CNST: variants seen among roughly 807,000 people sequenced by gnomAD.
CNST encodes consortin, connexin sorting protein, also known as consortin.
Under a neutral mutation model 72.4 loss-of-function variants are expected in CNST, and 39 were observed. The observed-to-expected ratio is 0.54, with a 90% confidence interval of 0.42 to 0.70. CNST has a LOEUF of 0.70. Among genes scored for constraint, CNST ranks in the 30% least tolerant of loss-of-function variants. The probability of loss-of-function intolerance (pLI) is 0.00; values close to 1 mark genes in which losing one functional copy is unlikely to be tolerated. For missense variants in CNST, 871 were observed against 868.5 expected, an observed-to-expected ratio of 1.00 and a Z score of -0.04; for synonymous variants, 332 against 320.1, an observed-to-expected ratio of 1.04 and a Z score of -0.40.
chr1:246,600,002 G>A (rs1000417059), intron 2 of CNST, among the ~76,000 whole-genome samples: 7 of 152,208 alleles, frequency 4.6e-5, no homozygotes, highest in South Asian at 2.1e-4. Flanking sequence ...GCACATGGTC[G>A]TGGAGGTAAC....
intron 2 of CNST, among the ~76,000 whole-genome samples, chr1:246,596,485 ATTAC>A (rs1558542105): frequency 6.6e-6 from 1 of 152,178 alleles, no homozygotes; most frequent in East Asian, 1.9e-4. Flanking sequence ...ACTAATGACC[ATTAC>A]TTATTTATTA....
intron 9 of CNST, among the ~76,000 whole-genome samples, chr1:246,654,981 T>G (rs1666693562): frequency 6.6e-6 from 1 of 152,180 alleles, no homozygotes; most frequent in Non-Finnish European, 1.5e-5. Context: ...AAATATAGTT[T>G]TGGATACTGG....
At chr1:246,602,872 A>G (rs1397342674) in intron 2 of CNST, among the ~76,000 whole-genome samples, 2 of 145,392 alleles carry the variant, frequency 1.4e-5, no homozygotes, top group Non-Finnish European at 3.0e-5. Context: ...CAGACAGCCC[A>G]GTTAGATAGT....
intron 10 of CNST, among the ~76,000 whole-genome samples, chr1:246,664,655 TG>T (rs531464609): frequency 0.021 from 3,132 of 152,134 alleles, 51 homozygotes; most frequent in Non-Finnish European, 0.033. Context: ...CTCGATCTCC[TG>T]ACCTCGTGAT....
intron 2 of CNST, among the ~76,000 whole-genome samples, chr1:246,598,609 G>A (rs1348720784): frequency 6.6e-6 from 1 of 151,980 alleles, no homozygotes; most frequent in Non-Finnish European, 1.5e-5. Context: ...TTTATATATT[G>A]ACTTCGGCTA....
At chr1:246,588,709 GAATT>G (rs964807576) in intron 1 of CNST, among the ~76,000 whole-genome samples, 19 of 152,148 alleles carry the variant, frequency 1.2e-4, no homozygotes, top group East Asian at 3.9e-4. Context: ...TCAATGTGTA[GAATT>G]AATAAATTCT....
At chr1:246,595,261 G>T (rs935252403) in intron 2 of CNST, among the ~76,000 whole-genome samples, 1 of 152,128 alleles carries the variant, frequency 6.6e-6, no homozygotes, top group Admixed American at 6.5e-5. Context: ...CTTTAGTATT[G>T]CCTGGAAAGC....
Position 246,637,479 on chromosome 1 carries a change from G to A in CNST, c.818+2892G>A, listed in dbSNP as rs77402780. On this transcript the variant is annotated intron_variant, in intron 6 of 10. Transcript: ENST00000366513. ...GAGTGGCTCAGAGTCTGGTGATGGC[G>A]GAGGCCCTAAGACAAAAGTTCGTCC... 4.2e-3 allele frequency among the ~76,000 whole-genome samples: 646 copies of A among 152,316 alleles called. 10 individuals carry two copies. The highest frequency in any genetic ancestry group is 0.015 in the African/African-American group (606 of 41,556).
At chr1:246,569,885 T>C in intron 1 of CNST, 1 of 960,204 alleles carries the variant, frequency 1.0e-6, no homozygotes, top group Non-Finnish European at 1.2e-6. Flanking sequence ...TGAGTTTCTG[T>C]CGACTAAATT....
In CNST at chr1:246,586,111, A is replaced by ATG. The variant is rs113258007; in HGVS notation, c.-51-5371_-51-5370dup. ...GAGGGGGAGATATATATATATATAT[A>ATG]TGTGTGTGTGTGTGTGTGTGTGTGT... On this transcript the variant is annotated intron_variant, in intron 1 of 10. Transcript: ENST00000366513. 6.9e-3 allele frequency among the ~76,000 whole-genome samples: 706 copies of ATG among 102,670 alleles called. 6 individuals carry two copies. Among genetic ancestry groups the ATG allele is most frequent in the African/African-American group, 0.023 (583 of 25,018 alleles). The allele number at this position is 102,670 out of a possible 152,430, so 67.4% of individuals were successfully genotyped here.
chr1:246,588,819 G>T (rs1661358743), intron 1 of CNST, among the ~76,000 whole-genome samples: 1 of 152,118 alleles, frequency 6.6e-6, no homozygotes, highest in Non-Finnish European at 1.5e-5. Flanking sequence ...CATTGGAAAT[G>T]CTTGAACTAT....
chr1:246,574,457 G>A (rs771075017), intron 1 of CNST, among the ~76,000 whole-genome samples: 4 of 151,994 alleles, frequency 2.6e-5, no homozygotes, highest in South Asian at 4.1e-4. Context: ...ACAGCTTGTC[G>A]CACTATCACC....
chr1:246,593,409 G>A (rs557517946), intron 2 of CNST, among the ~76,000 whole-genome samples: 81 of 150,562 alleles, frequency 5.4e-4, no homozygotes, highest in African/African-American at 1.8e-3. Context: ...TGCAACCTCC[G>A]CCTCCTGGAT....
In CNST at chr1:246,621,566, C is replaced by T. The variant is rs747928236; in HGVS notation, c.517C>T (p.Leu173=). 8 of 1,614,110 alleles carry T rather than the reference C, an allele frequency of 5.0e-6. No homozygotes were observed. In the East Asian group the frequency reaches 1.6e-4, roughly 31 times the overall value. Residue 173 remains leucine, a synonymous_variant, in exon 3 of 11, where the codon CTG becomes TTG. Coordinates refer to ENST00000366513, the MANE Select transcript of CNST (RefSeq NM_152609.3). ...PEAPKLVLQS[L]FSLIRGEVEQ... Reference sequence around the variant, plus strand: ...GGCGCCAAAGCTTGTTCTGCAGTCTCTGTTTTCACTTATACGAGGTGAAGT... The same window carrying T: ...GGCGCCAAAGCTTGTTCTGCAGTCTTTGTTTTCACTTATACGAGGTGAAGT...
intron 1 of CNST, among the ~76,000 whole-genome samples, chr1:246,588,279 T>G (rs1419603446): frequency 1.3e-5 from 2 of 152,060 alleles, no homozygotes; most frequent in African/African-American, 2.4e-5. Flanking sequence ...TTTTATGAAG[T>G]GCCAGGGGTA....
At chr1:246,631,784 T>G in intron 3 of CNST, 110 bp from the exon 4 acceptor site, 1 of 774,998 alleles carries the variant, frequency 1.3e-6, no homozygotes. Flanking sequence ...AGAGTTTTCT[T>G]AATTTGATAT....
intron 1 of CNST, among the ~76,000 whole-genome samples, chr1:246,576,096 A>G (rs367666455): frequency 6.7e-6 from 1 of 148,948 alleles, no homozygotes; most frequent in Non-Finnish European, 1.5e-5. Context: ...TTAGCCAGGC[A>G]TGGTGGCGGG....
At position 246,616,324 on chromosome 1, in the gene CNST, G is replaced by A. The variant is rs991887991; in HGVS notation, c.380-5105G>A. Among the ~76,000 whole-genome samples the A allele has an allele frequency of 4.6e-5, 7 of 152,232 alleles. No individual in the cohort carries two copies. The South Asian group carries it at 6.2e-4, about 14-fold the overall frequency. On this transcript the variant is annotated intron_variant, in intron 2 of 10. Transcript: ENST00000366513. Reference sequence around the variant, plus strand: ...AGCATTTTGGGAGGCCAAGATGGGAGGACCAGTTGAGGCCAGAAGTTGAAG... The same window carrying A: ...AGCATTTTGGGAGGCCAAGATGGGAAGACCAGTTGAGGCCAGAAGTTGAAG...
rs552162521 is a variant in CNST at position 246,638,841 on chromosome 1, T to C, written c.819-2908T>C. Among the ~76,000 whole-genome samples, 5 of 152,230 alleles carry C rather than the reference T, an allele frequency of 3.3e-5. No individual in the cohort carries two copies. In the South Asian group the frequency reaches 8.3e-4, roughly 25 times the overall value. ...GTGCAGGGTCTTGGGAGGTAGTGGC[T>C]TCAGGTAAGAGCATGGCCAGGTTTA... is the stretch of plus-strand genomic sequence containing the variant. On this transcript the variant is annotated intron_variant, in intron 6 of 10. Transcript: ENST00000366513.
Sources: allele counts gnomAD v4.1 joint callset (sites outside exome capture counted in the v4.1 genomes callset), GRCh38; gene constraint gnomAD v4.1.1; transcripts MANE v1.5; gene names NCBI Gene and HGNC (gene_info 2026-07-23, HGNC 2026-07-21).